Variants in CSRNP3 observed in about 807,000 individuals in gnomAD.
CSRNP3 encodes the protein cysteine/serine-rich nuclear protein 3.
CSRNP3 carries 12 observed loss-of-function variants against 48.0 expected under a neutral mutation model. The observed-to-expected ratio is 0.25, with a 90% CI of 0.16 to 0.41. The LOEUF (loss-of-function observed/expected upper bound fraction) is 0.41, where lower values mean the gene tolerates loss of function less well. CSRNP3 is among the 10% of genes least tolerant of loss of function. The probability of loss-of-function intolerance (pLI) is 1.00; values close to 1 mark genes in which losing one functional copy is unlikely to be tolerated. For missense variants in CSRNP3, 580 were observed against 724.4 expected, an observed-to-expected ratio of 0.80 and a Z score of 2.29; for synonymous variants, 263 against 269.7, an observed-to-expected ratio of 0.98 and a Z score of 0.24.
intron 3 of CSRNP3, among the ~76,000 whole-genome samples, chr2:165,577,395 AC>A (rs1373207794): frequency 6.6e-6 from 1 of 151,848 alleles, no homozygotes; most frequent in African/African-American, 2.4e-5. Context: ...CTATAGTAAT[AC>A]CTTGTCTAGT....
intron 4 of CSRNP3, among the ~76,000 whole-genome samples, chr2:165,608,668 A>G (rs1463370276): frequency 6.6e-6 from 1 of 152,154 alleles, no homozygotes; most frequent in Non-Finnish European, 1.5e-5. Context: ...GTCTTAAAAT[A>G]TCTTCTACCA....
chr2:165,556,343 G>A (rs1685160331), intron 3 of CSRNP3, among the ~76,000 whole-genome samples: 1 of 152,124 alleles, frequency 6.6e-6, no homozygotes, highest in Admixed American at 6.6e-5. Context: ...AATTTCTGAG[G>A]CAAATCCAAG....
intron 5 of CSRNP3, among the ~76,000 whole-genome samples, chr2:165,666,452 G>A (rs550297910): frequency 0.023 from 1,153 of 49,982 alleles, 267 homozygotes; most frequent in African/African-American, 0.059. Flanking sequence ...AAGGAAGGGA[G>A]GAAAGAGAGA....
At chr2:165,606,730 T>A (rs1234543050) in intron 4 of CSRNP3, among the ~76,000 whole-genome samples, 5 of 152,132 alleles carry the variant, frequency 3.3e-5, no homozygotes, top group Non-Finnish European at 7.4e-5. Flanking sequence ...ATAAGTTGAA[T>A]TGAATAGCCG....
intron 3 of CSRNP3, among the ~76,000 whole-genome samples, chr2:165,558,547 T>C (rs1295005127): frequency 6.6e-6 from 1 of 152,126 alleles, no homozygotes; most frequent in African/African-American, 2.4e-5. Context: ...AATCCATCAT[T>C]CCACTGTTAA....
At chr2:165,515,263 G>A (rs1336428227) in intron 2 of CSRNP3, among the ~76,000 whole-genome samples, 2 of 150,842 alleles carry the variant, frequency 1.3e-5, no homozygotes, top group East Asian at 1.9e-4. Context: ...GGTGGAGGTT[G>A]CAGTGAGCCA....
At chr2:165,637,186 A>T (rs1350714115) in intron 4 of CSRNP3, among the ~76,000 whole-genome samples, 1 of 152,218 alleles carries the variant, frequency 6.6e-6, no homozygotes, top group African/African-American at 2.4e-5. Flanking sequence ...AATTAAAGGA[A>T]CAAGTCAATG....
At chr2:165,558,285 C>G (rs927778767) in intron 3 of CSRNP3, among the ~76,000 whole-genome samples, 1 of 152,120 alleles carries the variant, frequency 6.6e-6, no homozygotes, top group Non-Finnish European at 1.5e-5. Context: ...TTGCTGGTGT[C>G]TTATACCTGC....
At chr2:165,566,955 T>C (rs1685305409) in intron 3 of CSRNP3, 1 of 152,136 alleles carries the variant, frequency 6.6e-6, no homozygotes, top group Non-Finnish European at 1.5e-5. Context: ...ATCTCTGTGA[T>C]ACAAATAAAC....
intron 3 of CSRNP3, among the ~76,000 whole-genome samples, chr2:165,540,377 G>A (rs1684937626): frequency 6.6e-6 from 1 of 151,982 alleles, no homozygotes; most frequent in Non-Finnish European, 1.5e-5. Context: ...AGCTTATAAA[G>A]TTTCTCTTTT....
At chr2:165,612,293 A>G (rs1378309189) in intron 4 of CSRNP3, among the ~76,000 whole-genome samples, 1 of 152,078 alleles carries the variant, frequency 6.6e-6, no homozygotes, top group African/African-American at 2.4e-5. Context: ...AGAGTACTAT[A>G]TGACCTGCAT....
chr2:165,510,360 T>C (rs1684485712), intron 2 of CSRNP3, among the ~76,000 whole-genome samples: 2 of 152,156 alleles, frequency 1.3e-5, no homozygotes, highest in South Asian at 2.1e-4. Context: ...TAGATCCATA[T>C]AGACTCATAT....
At chr2:165,580,230 T>A (rs1399243131) in intron 3 of CSRNP3, among the ~76,000 whole-genome samples, 6 of 152,318 alleles carry the variant, frequency 3.9e-5, no homozygotes, top group Admixed American at 1.3e-4. Context: ...ACAGTGAATG[T>A]CCAAGTTTCA....
At chr2:165,649,612 A>G (rs1352228578) in intron 4 of CSRNP3, among the ~76,000 whole-genome samples, 4 of 152,212 alleles carry the variant, frequency 2.6e-5, no homozygotes, top group Non-Finnish European at 5.9e-5. Flanking sequence ...TACAATTTTA[A>G]TAGCACTTAG....
intron 2 of CSRNP3, among the ~76,000 whole-genome samples, chr2:165,514,878 T>G (rs1684555663): frequency 6.6e-6 from 1 of 152,218 alleles, no homozygotes; most frequent in African/African-American, 2.4e-5. Context: ...TCGGTAGACT[T>G]CACCCTAGTG....
rs1208108945 is a variant in CSRNP3, at chr2:165,666,411, A to G, written c.408+8391A>G. 1.3e-4 allele frequency among the ~76,000 whole-genome samples: 11 copies of G among 82,902 alleles called. 1 individual carries two copies. Among genetic ancestry groups the G allele is most frequent in the African/African-American group, 4.0e-4 (11 of 27,166 alleles). The allele number at this position is 82,902 out of a possible 152,430, so 54.4% of individuals were successfully genotyped here. ...AGAGAGAAAGGAAGGAAGGGAGGAA[A>G]GAGAGAGAGGAAGAAAGAAAGACAG... On this transcript the variant is annotated intron_variant, in intron 5 of 6. Coordinates refer to ENST00000651982, the MANE Select transcript of CSRNP3 (RefSeq NM_001172173.2).
chr2:165,509,747 C>T (rs754870357), intron 2 of CSRNP3, among the ~76,000 whole-genome samples: 30 of 152,084 alleles, frequency 2.0e-4, no homozygotes, highest in Non-Finnish European at 3.4e-4. Context: ...AATTACCACT[C>T]GGTATCATGC....
chr2:165,507,358 G>C (rs2105223940), intron 2 of CSRNP3, among the ~76,000 whole-genome samples: 1 of 152,022 alleles, frequency 6.6e-6, no homozygotes, highest in South Asian at 2.1e-4. Context: ...TCTGTTTTTT[G>C]GTACCCCAGA....
In CSRNP3 at chr2:165,679,470, A is replaced by G. The variant is rs1184214166; in HGVS notation, c.1475A>G (p.His492Arg). 3 of 1,613,374 alleles carry G rather than the reference A, an allele frequency of 1.9e-6. No homozygotes were observed. The highest frequency in any genetic ancestry group is 2.5e-6 in the Non-Finnish European group (3 of 1,179,896). ...GCAGAAGAGGCCTATGGTGCCTCCC[A>G]CTACCCAGCTGCCAACCCCTCTGTA... ...RQAEEAYGAS[H>R]YPAANPSVIV... The change falls in exon 7 of 7, where the codon CAC becomes CGC. Residue 492 changes from histidine to arginine, a missense_variant. His to Arg is a conservative substitution (Grantham distance 29, BLOSUM62 0). Around this residue, in one of 4 missense-constraint regions of CSRNP3, gnomAD observed 369 missense variants for 380.8 expected, o/e 0.97. Transcript: ENST00000651982.
Sources: gnomAD v4.1 joint callset for allele counts (sites outside exome capture counted in the v4.1 genomes callset) on GRCh38, gnomAD v4.1.1 for gene constraint, gnomAD v4.1.1 regional missense constraint, MANE v1.5 for transcripts, NCBI Gene and HGNC (gene_info 2026-07-23, HGNC 2026-07-21) for gene names.